Variants in RCL1 observed in about 807,000 individuals in gnomAD.
RCL1 encodes RNA terminal phosphate cyclase like 1, also known as RNA 3'-terminal phosphate cyclase-like protein.
A neutral mutation model predicts 42.4 loss-of-function variants in RCL1; 24 were observed. That is an observed-to-expected ratio of 0.57 (90% CI 0.41 to 0.80). The LOEUF (loss-of-function observed/expected upper bound fraction) is 0.80, where lower values mean the gene tolerates loss of function less well. RCL1 is among the 30% of genes least tolerant of loss of function. The pLI is 0.00. For synonymous variants in RCL1, 228 were observed against 177.3 expected (o/e 1.29, Z -2.27); for missense variants, 578 against 467.9 (o/e 1.24, Z -2.17).
At chr9:4,827,702 A>G (rs1816805510) in intron 3 of RCL1, among the ~76,000 whole-genome samples, 1 of 151,514 alleles carries the variant, frequency 6.6e-6, no homozygotes, top group Non-Finnish European at 1.5e-5. Flanking sequence ...TATTGTGATC[A>G]CAACTGTCTT....
Position 4,795,326 on chromosome 9 carries a change from G to T in RCL1, c.136+2099G>T, listed in dbSNP as rs187574940. On this transcript the variant is annotated intron_variant, in intron 1 of 8. Coordinates refer to ENST00000381750, the MANE Select transcript of RCL1 (RefSeq NM_005772.5). Reference sequence around the variant, plus strand: ...TGAAACTGCTGACCTCAGGTGATCCGCCTGCCTTGGCCTCCCAGAGTGCTG... The same window carrying T: ...TGAAACTGCTGACCTCAGGTGATCCTCCTGCCTTGGCCTCCCAGAGTGCTG... Among the ~76,000 whole-genome samples, 189 of 152,200 alleles carry T rather than the reference G, an allele frequency of 1.2e-3. 3 individuals carry two copies. Among genetic ancestry groups the T allele is most frequent in the Admixed American group, 0.011 (162 of 15,290 alleles).
At chr9:4,827,082 C>G (rs73383262) in intron 3 of RCL1, 49 bp downstream of exon 3, 2 of 1,612,422 alleles carry the variant, frequency 1.2e-6, no homozygotes, top group Non-Finnish European at 1.7e-6. Flanking sequence ...TGTCTCTTGT[C>G]ACAACCCAAC....
At chr9:4,837,260 T>A (rs295266) in intron 5 of RCL1, among the ~76,000 whole-genome samples, 1 of 151,848 alleles carries the variant, frequency 6.6e-6, no homozygotes, top group Non-Finnish European at 1.5e-5. Context: ...ATCCTGTTGA[T>A]GGCCATTGAG....
intron 1 of RCL1, among the ~76,000 whole-genome samples, chr9:4,816,645 T>A (rs1008424026): frequency 1.3e-5 from 2 of 152,190 alleles, no homozygotes; most frequent in Admixed American, 6.5e-5. Flanking sequence ...GTAGTAATTT[T>A]AAAAATGTGT....
intron 1 of RCL1, among the ~76,000 whole-genome samples, chr9:4,811,767 A>G (rs1816185394): frequency 6.6e-6 from 1 of 152,172 alleles, no homozygotes; most frequent in Non-Finnish European, 1.5e-5. Context: ...TTTTTGAGGA[A>G]TATCTGTACT....
intron 8 of RCL1, among the ~76,000 whole-genome samples, chr9:4,853,091 G>A (rs568562875): frequency 3.3e-5 from 5 of 152,160 alleles, no homozygotes; most frequent in South Asian, 4.1e-4. Flanking sequence ...AAACAACACC[G>A]TGTTTACTGT....
At chr9:4,803,214 A>G (rs1843035841) in intron 1 of RCL1, among the ~76,000 whole-genome samples, 1 of 152,150 alleles carries the variant, frequency 6.6e-6, no homozygotes, top group Admixed American at 6.5e-5. Flanking sequence ...TCAGAAGACA[A>G]AAGTAGATTT....
chr9:4,825,448 C>G (rs935242747), intron 2 of RCL1, among the ~76,000 whole-genome samples: 1 of 151,948 alleles, frequency 6.6e-6, no homozygotes, highest in East Asian at 1.9e-4. Flanking sequence ...GATAACTGAC[C>G]CAGAGTCCAT....
intron 1 of RCL1, among the ~76,000 whole-genome samples, chr9:4,794,630 G>C (rs1187122828): frequency 7.1e-6 from 1 of 141,652 alleles, no homozygotes; most frequent in East Asian, 2.3e-4. Flanking sequence ...TTGTATAAAA[G>C]TAGGCATAAC....
intron 1 of RCL1, chr9:4,803,710 G>A (rs1843045338): frequency 6.5e-6 from 1 of 152,758 alleles, no homozygotes; most frequent in African/African-American, 2.4e-5. Flanking sequence ...TCTCACTGGG[G>A]AGGCAGTGTG....
chr9:4,824,985 C>T (rs187172060), intron 2 of RCL1, among the ~76,000 whole-genome samples: 3 of 152,258 alleles, frequency 2.0e-5, no homozygotes, highest in Admixed American at 6.5e-5. Flanking sequence ...GATCTTGGCA[C>T]ATGGCGACTT....
chr9:4,835,715 G>A (rs1421938977), intron 5 of RCL1, among the ~76,000 whole-genome samples: 1 of 152,212 alleles, frequency 6.6e-6, no homozygotes, highest in East Asian at 1.9e-4. Context: ...GGGTGCCGAC[G>A]CCGGCTGCGC....
chr9:4,854,497 G>T (rs1387618242), intron 8 of RCL1, among the ~76,000 whole-genome samples: 1 of 152,178 alleles, frequency 6.6e-6, no homozygotes, highest in Non-Finnish European at 1.5e-5. Flanking sequence ...TAGTAACCAG[G>T]TGGCTTAGTG....
intron 5 of RCL1, among the ~76,000 whole-genome samples, chr9:4,839,312 G>T (rs1286729576): frequency 1.3e-5 from 2 of 152,194 alleles, no homozygotes; most frequent in Non-Finnish European, 2.9e-5. Context: ...TTGGGAGTCA[G>T]ATCTGTTTAA....
intron 6 of RCL1, among the ~76,000 whole-genome samples, chr9:4,843,150 A>G (rs928844332): frequency 6.6e-6 from 1 of 152,230 alleles, no homozygotes; most frequent in African/African-American, 2.4e-5. Flanking sequence ...ACAGATGACT[A>G]ATAGTGCTCT....
chr9:4,800,476 A>G (rs1440557658), intron 1 of RCL1, among the ~76,000 whole-genome samples: 1 of 151,448 alleles, frequency 6.6e-6, no homozygotes, highest in East Asian at 2.0e-4. Context: ...CAGCCTCCCA[A>G]AGTGCTGGGA....
intron 8 of RCL1, among the ~76,000 whole-genome samples, chr9:4,855,249 A>G (rs1817908757): frequency 6.6e-6 from 1 of 152,038 alleles, no homozygotes; most frequent in Non-Finnish European, 1.5e-5. Context: ...AATCCTTTAC[A>G]CAGGAGTTGC....
chr9:4,850,506 T>TTC (rs1817704906), intron 8 of RCL1: 1 of 231,804 alleles, frequency 4.3e-6, no homozygotes, highest in African/African-American at 2.3e-5. Context: ...TTTTTTTTTT[T>TTC]TTTTGGAATT....
intron 3 of RCL1, among the ~76,000 whole-genome samples, chr9:4,828,906 T>C (rs1278582501): frequency 6.6e-6 from 1 of 152,218 alleles, no homozygotes; most frequent in African/African-American, 2.4e-5. Context: ...GGTATCTGGC[T>C]CCAGGCCAGG....
Sources: gnomAD v4.1 joint callset for allele counts (sites outside exome capture counted in the v4.1 genomes callset) on GRCh38, gnomAD v4.1.1 for gene constraint, MANE v1.5 for transcripts, NCBI Gene and HGNC (gene_info 2026-07-23, HGNC 2026-07-21) for gene names.